The following ARIH2 variants were observed in gnomAD, a reference collection of about 807,000 sequenced individuals.
ARIH2 encodes E3 ubiquitin-protein ligase ARIH2.
ARIH2 carries 12 observed loss-of-function variants against 79.8 expected under a neutral mutation model. The ratio of observed to expected loss-of-function variants is 0.15; its 90% confidence interval spans 0.10 to 0.24. ARIH2 has a LOEUF of 0.24. ARIH2 is among the 10% of genes least tolerant of loss of function. The pLI is 1.00. For synonymous variants in ARIH2, 224 were observed against 213.9 expected, an observed-to-expected ratio of 1.05 and a Z score of -0.41; for missense variants, 301 against 618.3, an observed-to-expected ratio of 0.49 and a Z score of 5.44.
intron 3 of ARIH2, among the ~76,000 whole-genome samples, chr3:48,960,493 A>G (rs1368803853): frequency 1.3e-5 from 2 of 151,964 alleles, no homozygotes; most frequent in South Asian, 2.1e-4. Flanking sequence ...GCCGGGCACA[A>G]TGGGTCACAC....
chr3:48,968,353 G>A (rs914979361), intron 6 of ARIH2, 181 bp from the exon 7 acceptor site: 13 of 414,286 alleles, frequency 3.1e-5, no homozygotes, highest in South Asian at 1.0e-4. Flanking sequence ...GACTACAGGC[G>A]CCCGCCACTA....
chr3:48,961,241 G>T (rs1242230401), intron 3 of ARIH2, among the ~76,000 whole-genome samples: 1 of 152,108 alleles, frequency 6.6e-6, no homozygotes, highest in Non-Finnish European at 1.5e-5. Flanking sequence ...ATGTGCTTCC[G>T]GCGTACAACC....
intron 4 of ARIH2, among the ~76,000 whole-genome samples, chr3:48,962,363 G>A (rs2091362425): frequency 6.6e-6 from 1 of 151,414 alleles, no homozygotes; most frequent in African/African-American, 2.4e-5. Flanking sequence ...GTGGCAGAGT[G>A]AGACTCCATC....
intron 4 of ARIH2, among the ~76,000 whole-genome samples, chr3:48,963,055 A>G (rs1361516461): frequency 6.6e-6 from 1 of 151,924 alleles, no homozygotes; most frequent in East Asian, 1.9e-4. Context: ...TTTTAGTAGA[A>G]TTTATCTACA....
chr3:48,984,516 A>T lies in ARIH2; in HGVS notation c.*1246A>T, dbSNP rs1289606575. 6.6e-6 allele frequency: 1 copy of T among 152,340 alleles called. No homozygotes were observed. The highest frequency in any genetic ancestry group is 1.5e-5 in the Non-Finnish European group (1 of 68,044). The allele number at this position is 152,340 out of a possible 1,614,324, so 9.4% of individuals were successfully genotyped here. Reference sequence around the variant, plus strand: ...GTACTAAGGAGGGTCTGGCCAGAGGAACAGACCAGCTTTTGCACAATGAAG... The same window carrying T: ...GTACTAAGGAGGGTCTGGCCAGAGGTACAGACCAGCTTTTGCACAATGAAG... On this transcript the variant is annotated 3_prime_UTR_variant, in exon 16 of 16. Transcript: ENST00000356401.
chr3:48,979,432 A>G, intron 11 of ARIH2, 50 bp from the exon 12 acceptor site: 4 of 1,588,590 alleles, frequency 2.5e-6, no homozygotes, highest in Non-Finnish European at 3.4e-6. Context: ...CTATGGAGGA[A>G]AGTGGAGTTG....
chr3:48,979,570 G>A lies in ARIH2; in HGVS notation c.1050G>A (p.Val350=), dbSNP rs770162375. The A allele has an allele frequency of 6.2e-7, 1 of 1,614,138 alleles. No homozygotes were observed. Among genetic ancestry groups the A allele is most frequent in the Non-Finnish European group, 8.5e-7 (1 of 1,180,066 alleles). ...GTTACAAGGAGAATCCTGACATCGT[G>A]AACCAGAGCCAACAAGCCCAGGCGA... is the stretch of plus-strand genomic sequence containing the variant. ...CSRYKENPDI[V]NQSQQAQARE... The change falls in exon 12 of 16, where the codon GTG becomes GTA. Residue 350 remains valine (V), a synonymous_variant. Transcript: ENST00000356401.
intron 4 of ARIH2, among the ~76,000 whole-genome samples, chr3:48,961,890 G>A (rs4974082): frequency 0.63 from 95,261 of 152,042 alleles, 31,065 homozygotes; most frequent in East Asian, 0.96. Context: ...TTTAATACTA[G>A]CACAGTATTC....
rs2092423153 is a variant in ARIH2, at chr3:48,974,953, G to A, written c.940-5G>A. 6.2e-7 allele frequency: 1 copy of A among 1,614,060 alleles called. No homozygotes were observed. Among genetic ancestry groups the A allele is most frequent in the Admixed American group, 1.7e-5 (1 of 59,990 alleles). On this transcript the variant is annotated splice_polypyrimidine_tract_variant and splice_region_variant and intron_variant, in intron 10 of 15. Transcript: ENST00000356401. ...AACGTGTTTTCTTCTGTTTCCCTCT[G>A]ACAGCAATGCTCCAAATGTAAACAC...
At chr3:48,981,016 C>CAA (rs34533467) in intron 13 of ARIH2, among the ~76,000 whole-genome samples, 2,341 of 30,056 alleles carry the variant, frequency 0.078, 394 homozygotes, top group South Asian at 0.22. Flanking sequence ...GCAAGACTGT[C>CAA]AAAAAAAAAA....
intron 3 of ARIH2, chr3:48,945,148 C>T (rs1316564956): frequency 1.6e-6 from 2 of 1,289,802 alleles, no homozygotes; most frequent in Non-Finnish European, 2.0e-6. Context: ...CGTTGATGCT[C>T]ACTGCCATCA....
chr3:48,937,635 A>G (rs934455843), intron 3 of ARIH2, among the ~76,000 whole-genome samples: 1 of 152,202 alleles, frequency 6.6e-6, no homozygotes, highest in Non-Finnish European at 1.5e-5. Flanking sequence ...GCCCAGGCCA[A>G]TAAATGCACA....
chr3:48,941,889 CT>C (rs999836676), intron 3 of ARIH2, among the ~76,000 whole-genome samples: 12 of 144,318 alleles, frequency 8.3e-5, no homozygotes, highest in Admixed American at 1.4e-4. Context: ...TTTTTCTTTT[CT>C]TTTTTTTTTG....
At chr3:48,979,743 C>A in intron 12 of ARIH2, 110 bp downstream of exon 12, 2 of 1,212,316 alleles carry the variant, frequency 1.6e-6, no homozygotes, top group Non-Finnish European at 1.2e-6. Flanking sequence ...ACATAGAAGT[C>A]AGTGAATGGA....
chr3:48,924,543 CAG>C (rs1270087490), intron 2 of ARIH2, among the ~76,000 whole-genome samples: 1 of 151,840 alleles, frequency 6.6e-6, no homozygotes, highest in Non-Finnish European at 1.5e-5. Flanking sequence ...GTGTGTGTGA[CAG>C]TGTCTCACTC....
At chr3:48,926,242 C>CGTGTGTGTGTGTGTGTGT (rs34080246) in intron 2 of ARIH2, among the ~76,000 whole-genome samples, 14 of 148,148 alleles carry the variant, frequency 9.5e-5, no homozygotes, top group African/African-American at 3.2e-4. Context: ...GAGTTTCCCT[C>CGTGTGTGTGTGTGTGTGT]GTGTGTGTGT....
At chr3:48,921,705 C>G (rs920667550) in intron 1 of ARIH2, 1 of 151,870 alleles carries the variant, frequency 6.6e-6, no homozygotes. Context: ...AACCAAAGTG[C>G]TGGGATTACT....
intron 4 of ARIH2, among the ~76,000 whole-genome samples, chr3:48,964,191 C>T (rs1278193810): frequency 6.6e-6 from 1 of 151,834 alleles, no homozygotes; most frequent in Non-Finnish European, 1.5e-5. Context: ...CCAACACTCC[C>T]GGATAGGGTT....
chr3:48,932,682 A>G (rs1209018240), intron 3 of ARIH2, among the ~76,000 whole-genome samples: 2 of 152,134 alleles, frequency 1.3e-5, no homozygotes, highest in Non-Finnish European at 2.9e-5. Flanking sequence ...TTGGTTTGTG[A>G]TGGGTCAAGA....
Sources: gnomAD v4.1 joint callset for allele counts (sites outside exome capture counted in the v4.1 genomes callset) on GRCh38, gnomAD v4.1.1 for gene constraint, MANE v1.5 for transcripts, NCBI Gene and HGNC (gene_info 2026-07-23, HGNC 2026-07-21) for gene names.